CBLN2: variants seen among roughly 807,000 people sequenced by gnomAD.
The protein encoded by CBLN2 is cerebellin-2.
In CBLN2, 7 loss-of-function variants were observed where a neutral mutation model predicts 15.0. The observed-to-expected ratio is 0.47, with a 90% CI of 0.27 to 0.88. CBLN2 has a LOEUF of 0.88. CBLN2 is among the 40% of genes least tolerant of loss of function. The pLI, the probability that CBLN2 is intolerant of heterozygous loss-of-function variation, is 0.14. For missense variants in CBLN2, 242 were observed against 304.5 expected (o/e 0.79, Z 1.53); for synonymous variants, 149 against 135.2 (o/e 1.10, Z -0.71).
chr18:72,595,345 C>T lies in CBLN2; in HGVS notation c.15+42980G>A, dbSNP rs542706145. 7.2e-5 allele frequency among the ~76,000 whole-genome samples: 11 copies of T among 152,018 alleles called. No individual in the cohort carries two copies. The South Asian group carries it at 1.3e-3, about 17-fold the overall frequency. ...GTGTGTTTGCATAGCTTTCAAAACT[C>T]CTCTTGTTATTGATTTCTAGTTTTA... is the stretch of plus-strand genomic sequence containing the variant. On this transcript the variant is annotated intron_variant, in intron 1 of 2. Transcript: ENST00000581073.
chr18:72,595,738 C>T lies in CBLN2; in HGVS notation c.15+42587G>A, dbSNP rs533804408. 2.6e-5 allele frequency among the ~76,000 whole-genome samples: 4 copies of T among 152,210 alleles called. No homozygotes were observed. In the East Asian group the frequency reaches 7.7e-4, roughly 29 times the overall value. ...GCATATATATTTACAATTGTAATAT[C>T]CTCTTATTGAATTGGCTCCTTTATT... On this transcript the variant is annotated intron_variant, in intron 1 of 2. Coordinates refer to the CBLN2 transcript ENST00000581073.
At chr18:72,567,969 A>G (rs1323073786) in intron 1 of CBLN2, among the ~76,000 whole-genome samples, 2 of 152,240 alleles carry the variant, frequency 1.3e-5, no homozygotes, top group African/African-American at 4.8e-5. Context: ...TGTTAGGATT[A>G]ACATGACATC....
intron 1 of CBLN2, among the ~76,000 whole-genome samples, chr18:72,617,959 A>G (rs1054097533): frequency 2.6e-5 from 4 of 152,190 alleles, no homozygotes; most frequent in South Asian, 2.1e-4. Flanking sequence ...AGGAAAAAAA[A>G]TTAAATGGAA....
chr18:72,582,116 G>GC (rs1380855065), intron 1 of CBLN2, among the ~76,000 whole-genome samples: 3 of 152,148 alleles, frequency 2.0e-5, no homozygotes, highest in Non-Finnish European at 4.4e-5. Context: ...ATCTACCCTT[G>GC]CATCAGAACC....
At chr18:72,559,139 G>C (rs2069244574) in intron 1 of CBLN2, among the ~76,000 whole-genome samples, 2 of 152,170 alleles carry the variant, frequency 1.3e-5, no homozygotes, top group Admixed American at 6.5e-5. Context: ...CAGCCCACCA[G>C]CACTCCCCAG....
exon 1 of CBLN2, chr18:72,638,426 A>T: frequency 2.5e-6 from 1 of 398,138 alleles, no homozygotes; most frequent in Non-Finnish European, 4.4e-6. Context: ...TTTTATATCT[A>T]ATTTCACTTA....
intron 1 of CBLN2, among the ~76,000 whole-genome samples, chr18:72,625,905 T>C (rs537404811): frequency 6.7e-6 from 1 of 149,406 alleles, no homozygotes; most frequent in African/African-American, 2.4e-5. Flanking sequence ...CTTATACTAT[T>C]TTGGATGTGT....
intron 1 of CBLN2, among the ~76,000 whole-genome samples, chr18:72,621,670 T>C (rs2069701528): frequency 6.6e-6 from 1 of 152,170 alleles, no homozygotes; most frequent in African/African-American, 2.4e-5. Flanking sequence ...TTCCAGATAT[T>C]GTTTGTTTTA....
chr18:72,561,419 C>T (rs981182189), intron 1 of CBLN2, among the ~76,000 whole-genome samples: 2 of 152,156 alleles, frequency 1.3e-5, no homozygotes, highest in Admixed American at 1.3e-4. Context: ...TTACAGTAAA[C>T]AGCATCCATG....
intron 1 of CBLN2, among the ~76,000 whole-genome samples, chr18:72,578,454 A>G (rs73966259): frequency 0.023 from 3,522 of 152,262 alleles, 111 homozygotes; most frequent in African/African-American, 0.079. Context: ...TTCCATAAGG[A>G]AAAAAACAAG....
intron 1 of CBLN2, among the ~76,000 whole-genome samples, chr18:72,598,453 C>T (rs577638044): frequency 6.6e-6 from 1 of 152,326 alleles, no homozygotes; most frequent in South Asian, 2.1e-4. Context: ...TATCCTCTTT[C>T]CTCTCCTTAA....
At chr18:72,569,711 C>A (rs1431294410) in intron 1 of CBLN2, among the ~76,000 whole-genome samples, 1 of 152,008 alleles carries the variant, frequency 6.6e-6, no homozygotes, top group African/African-American at 2.4e-5. Context: ...CTTTAAATGG[C>A]CAGATCTCGT....
At chr18:72,637,257 T>C (rs1193263024) in intron 1 of CBLN2, among the ~76,000 whole-genome samples, 1 of 138,864 alleles carries the variant, frequency 7.2e-6, no homozygotes, top group Non-Finnish European at 1.5e-5. Context: ...AGCTCAAAGT[T>C]GGGCGATTGT....
chr18:72,554,816 C>T (rs1412179561), intron 1 of CBLN2, among the ~76,000 whole-genome samples: 2 of 151,986 alleles, frequency 1.3e-5, no homozygotes, highest in Non-Finnish European at 2.9e-5. Context: ...TGTTCATTTC[C>T]CCCTTGCTGA....
intron 1 of CBLN2, among the ~76,000 whole-genome samples, chr18:72,607,012 C>T (rs1010995553): frequency 6.6e-6 from 1 of 152,194 alleles, no homozygotes; most frequent in Non-Finnish European, 1.5e-5. Flanking sequence ...AAAATAGTCA[C>T]TACAGAGGTC....
chr18:72,622,289 C>T (rs2069706409), intron 1 of CBLN2, among the ~76,000 whole-genome samples: 1 of 151,866 alleles, frequency 6.6e-6, no homozygotes, highest in African/African-American at 2.4e-5. Flanking sequence ...AGAAACATTG[C>T]TTATGCAACC....
intron 1 of CBLN2, among the ~76,000 whole-genome samples, chr18:72,557,969 G>A (rs1424684970): frequency 6.6e-6 from 1 of 152,074 alleles, no homozygotes; most frequent in African/African-American, 2.4e-5. Flanking sequence ...AGAAAAACAG[G>A]CAGGCTGGAT....
intron 1 of CBLN2, among the ~76,000 whole-genome samples, chr18:72,598,536 T>G (rs1258422029): frequency 6.6e-6 from 1 of 152,174 alleles, no homozygotes; most frequent in Non-Finnish European, 1.5e-5. Context: ...ATGCAAGCAC[T>G]CCCTTTTCTT....
upstream of CBLN2, among the ~76,000 whole-genome samples, chr18:72,548,784 C>T (rs1279598836): frequency 6.6e-6 from 1 of 152,186 alleles, no homozygotes; most frequent in Non-Finnish European, 1.5e-5. Flanking sequence ...TGGGCATCCT[C>T]TGCATACTCT....
Sources: gnomAD v4.1 joint callset for allele counts (sites outside exome capture counted in the v4.1 genomes callset) on GRCh38, gnomAD v4.1.1 for gene constraint, MANE v1.5 for transcripts, NCBI Gene and HGNC (gene_info 2026-07-23, HGNC 2026-07-21) for gene names.